The following CDH18 variants were observed in gnomAD, a reference collection of about 807,000 sequenced individuals.
CDH18 encodes cadherin 18, also known as cadherin-18.
CDH18 carries 31 observed loss-of-function variants against 67.9 expected under a neutral mutation model. That is an observed-to-expected ratio of 0.46 (90% CI 0.34 to 0.62). The LOEUF is 0.62. Among genes scored for constraint, CDH18 ranks in the 20% least tolerant of loss-of-function variants. The probability of loss-of-function intolerance (pLI) is 0.01; values close to 1 mark genes in which losing one functional copy is unlikely to be tolerated. For missense variants in CDH18, 890 were observed against 975.5 expected (o/e 0.91, Z 1.17); for synonymous variants, 362 against 347.2 (o/e 1.04, Z -0.48).
chr5:19,495,027 T>TAA (rs1742055694), intron 11 of CDH18, among the ~76,000 whole-genome samples: 1 of 152,176 alleles, frequency 6.6e-6, no homozygotes, highest in Non-Finnish European at 1.5e-5. Flanking sequence ...TGTGAGAACA[T>TAA]AATTCTTTGG....
chr5:20,183,058 G>T (rs1001643182), intron 2 of CDH18, among the ~76,000 whole-genome samples: 2 of 152,020 alleles, frequency 1.3e-5, no homozygotes, highest in African/African-American at 4.8e-5. Context: ...TCAGTAAGAT[G>T]AAGATAATTA....
intron 2 of CDH18, among the ~76,000 whole-genome samples, chr5:20,051,081 G>A (rs904478867): frequency 1.3e-5 from 2 of 151,770 alleles, no homozygotes; most frequent in Non-Finnish European, 3.0e-5. Flanking sequence ...ATGTATTAAC[G>A]TATTTTACTA....
At chr5:20,530,237 G>T (rs891711996) in intron 1 of CDH18, among the ~76,000 whole-genome samples, 5 of 151,906 alleles carry the variant, frequency 3.3e-5, no homozygotes, top group Non-Finnish European at 7.4e-5. Context: ...AATCAGAGAG[G>T]ACATAAGCAG....
chr5:19,822,914 C>A (rs766805666), intron 3 of CDH18, among the ~76,000 whole-genome samples: 9 of 152,144 alleles, frequency 5.9e-5, no homozygotes, highest in Admixed American at 6.6e-5. Flanking sequence ...TTCATCCCTA[C>A]AGCTCGACCA....
In CDH18 at chr5:20,556,495, T is replaced by G. The variant is rs1757915435; in HGVS notation, c.-580+18967A>C. On this transcript the variant is annotated intron_variant, in intron 1 of 14. Transcript: ENST00000507958. ...ATTGAAGACTATTACATTAGACACCTTTCCCAAGTAGGCCCGTTCTCTTCT... is the reference window on the plus strand; with the variant it reads ...ATTGAAGACTATTACATTAGACACCGTTCCCAAGTAGGCCCGTTCTCTTCT... Among the ~76,000 whole-genome samples, 3 of 152,162 alleles carry G rather than the reference T, an allele frequency of 2.0e-5. No individual in the cohort carries two copies. The South Asian group carries it at 6.2e-4, about 32-fold the overall frequency.
chr5:20,383,641 C>T (rs1015762647), intron 1 of CDH18, among the ~76,000 whole-genome samples: 1 of 152,094 alleles, frequency 6.6e-6, no homozygotes. Flanking sequence ...TTGCAATGCT[C>T]TTTTGCGTGA....
chr5:19,664,850 T>G (rs1395714731), intron 5 of CDH18, among the ~76,000 whole-genome samples: 1 of 152,012 alleles, frequency 6.6e-6, no homozygotes, highest in Non-Finnish European at 1.5e-5. Context: ...TCTTTAATTT[T>G]CCTGCAGGTC....
At chr5:20,462,933 T>A (rs1751373771) in intron 1 of CDH18, among the ~76,000 whole-genome samples, 1 of 152,186 alleles carries the variant, frequency 6.6e-6, no homozygotes, top group Admixed American at 6.6e-5. Context: ...TTCTACTTTG[T>A]ATTTCTAAAA....
chr5:19,773,655 C>A (rs1216075311), intron 3 of CDH18, among the ~76,000 whole-genome samples: 1 of 151,854 alleles, frequency 6.6e-6, no homozygotes, highest in African/African-American at 2.4e-5. Flanking sequence ...CTTTTATAGG[C>A]TAAAGGTAAT....
At chr5:20,078,586 T>G (rs1744160948) in intron 2 of CDH18, among the ~76,000 whole-genome samples, 2 of 151,588 alleles carry the variant, frequency 1.3e-5, no homozygotes, top group Admixed American at 6.6e-5. Flanking sequence ...GACATTTTGT[T>G]TTTTTTGGTA....
At chr5:20,024,361 G>A (rs1475640392) in intron 2 of CDH18, among the ~76,000 whole-genome samples, 2 of 152,134 alleles carry the variant, frequency 1.3e-5, no homozygotes, top group Non-Finnish European at 2.9e-5. Flanking sequence ...ATAAATAATA[G>A]ACAAAGTGAT....
At chr5:19,536,547 C>A (rs1749449041) in intron 9 of CDH18, among the ~76,000 whole-genome samples, 1 of 152,090 alleles carries the variant, frequency 6.6e-6, no homozygotes, top group African/African-American at 2.4e-5. Context: ...GAAATGTGTA[C>A]GTATCTCTGT....
At position 20,364,295 on chromosome 5, in the gene CDH18, A is replaced by T. The variant is rs1308280123; in HGVS notation, c.-579-108790T>A. Among the ~76,000 whole-genome samples, 5 of 152,050 alleles carry T rather than the reference A, an allele frequency of 3.3e-5. No homozygotes were observed. The East Asian group carries it at 5.8e-4, about 18-fold the overall frequency. ...CACACACACACACACAATTGAAATTAAAAAAATAATTGAACCTAAAAAGGT... is the reference window on the plus strand; with the variant it reads ...CACACACACACACACAATTGAAATTTAAAAAATAATTGAACCTAAAAAGGT... On this transcript the variant is annotated intron_variant, in intron 1 of 14. Coordinates refer to the CDH18 transcript ENST00000507958.
chr5:19,697,039 A>T (rs554942666), intron 5 of CDH18, among the ~76,000 whole-genome samples: 6 of 152,226 alleles, frequency 3.9e-5, no homozygotes, highest in Non-Finnish European at 7.3e-5. Context: ...CAATGAATGA[A>T]ACAGTTGAAA....
chr5:19,566,525 T>TG (rs1740424750), intron 8 of CDH18, among the ~76,000 whole-genome samples: 1 of 152,182 alleles, frequency 6.6e-6, no homozygotes. Context: ...AGGCACGTCT[T>TG]GCGTGGGGGC....
intron 1 of CDH18, among the ~76,000 whole-genome samples, chr5:20,466,265 T>G (rs1193188228): frequency 6.6e-6 from 1 of 152,060 alleles, no homozygotes; most frequent in East Asian, 1.9e-4. Flanking sequence ...GATAAGGAAA[T>G]TATTTCCTTG....
At chr5:19,873,649 A>C (rs1391858253) in intron 2 of CDH18, among the ~76,000 whole-genome samples, 4 of 151,960 alleles carry the variant, frequency 2.6e-5, no homozygotes, top group South Asian at 4.1e-4. Context: ...ATCAAAAAAA[A>C]CTTTTTTTTT....
chr5:20,226,186 A>C (rs987685149), intron 2 of CDH18, among the ~76,000 whole-genome samples: 2 of 152,098 alleles, frequency 1.3e-5, no homozygotes, highest in African/African-American at 4.8e-5. Context: ...ACATAAACAC[A>C]CTGGCCTTCA....
At chr5:20,096,106 C>T (rs901775337) in intron 2 of CDH18, among the ~76,000 whole-genome samples, 3 of 152,010 alleles carry the variant, frequency 2.0e-5, no homozygotes, top group African/African-American at 4.8e-5. Context: ...GACTAAAATT[C>T]TGCAAAACTT....
Sources: allele counts gnomAD v4.1 joint callset (sites outside exome capture counted in the v4.1 genomes callset), GRCh38; gene constraint gnomAD v4.1.1; transcripts MANE v1.5; gene names NCBI Gene and HGNC (gene_info 2026-07-23, HGNC 2026-07-21).